The following YTHDC2 variants were observed in gnomAD, a reference collection of about 807,000 sequenced individuals.
YTHDC2 encodes 3'-5' RNA helicase YTHDC2.
A neutral mutation model predicts 174.9 loss-of-function variants in YTHDC2; 45 were observed. That is an observed-to-expected ratio of 0.26 (90% CI 0.20 to 0.33). The LOEUF (loss-of-function observed/expected upper bound fraction) is 0.33. Ranked by LOEUF, YTHDC2 falls within the 10% of genes least tolerant of loss-of-function variation. The pLI, the probability that YTHDC2 is intolerant of heterozygous loss-of-function variation, is 1.00. For missense variants in YTHDC2, 1,650 were observed against 1,723.7 expected, an observed-to-expected ratio of 0.96 and a Z score of 0.76; for synonymous variants, 657 against 574.5, an observed-to-expected ratio of 1.14 and a Z score of -2.05.
intron 4 of YTHDC2, among the ~76,000 whole-genome samples, chr5:113,527,542 ATTTTGC>A (rs761399408): frequency 3.9e-5 from 6 of 152,134 alleles, no homozygotes; most frequent in Non-Finnish European, 5.9e-5. Context: ...TAGGGACATA[ATTTTGC>A]TTTTGACAAT....
In YTHDC2 at chr5:113,541,216, G is replaced by T. The variant is rs566339638; in HGVS notation, c.1359+100G>T. On this transcript the variant is annotated intron_variant, in intron 9 of 29. Transcript: ENST00000161863. ...AATTTTTTTTTTTTTTTTTGAGATG[G>T]AGTCTGGCTCTGTGGCCCAGGCTGG... is the stretch of plus-strand genomic sequence containing the variant. The T allele has an allele frequency of 2.9e-4, 366 of 1,277,776 alleles. 3 individuals carry two copies. In the South Asian group the frequency reaches 4.6e-3, roughly 16 times the overall value. The allele number at this position is 1,277,776 out of a possible 1,614,324, so 79.2% of individuals were successfully genotyped here.
chr5:113,567,622 T>C, intron 22 of YTHDC2, 32 bp from the exon 23 acceptor site: 1 of 1,516,166 alleles, frequency 6.6e-7, no homozygotes, highest in Middle Eastern at 1.7e-4. Flanking sequence ...ATAAACACAA[T>C]TAACAATTTT....
In YTHDC2 at chr5:113,513,805, G is replaced by GT; in HGVS notation, c.-90dup. Reference sequence around the variant, plus strand: ...CACAGGCCGTCTCCGGAGCTTCCCGGTAGTGGCCCCGGATTCCCACGGTCT... The same window carrying GT: ...CACAGGCCGTCTCCGGAGCTTCCCGGTTAGTGGCCCCGGATTCCCACGGTCT... On this transcript the variant is annotated 5_prime_UTR_variant, in exon 1 of 30. Transcript: ENST00000161863. The GT allele has an allele frequency of 2.1e-6, 3 of 1,402,260 alleles. No homozygotes were observed. The allele number at this position is 1,402,260 out of a possible 1,614,324, so 86.9% of individuals were successfully genotyped here.
chr5:113,529,642 CTT>C (rs1227603654), intron 4 of YTHDC2, among the ~76,000 whole-genome samples: 2 of 151,860 alleles, frequency 1.3e-5, no homozygotes, highest in African/African-American at 4.8e-5. Context: ...TTATTTGCCT[CTT>C]ATCTGTTTAT....
In YTHDC2 at chr5:113,591,167, C is replaced by T. The variant is rs181938024; in HGVS notation, c.3952C>T (p.Arg1318Trp). Residue 1318 changes from arginine to tryptophan, a missense_variant, in exon 27 of 30, where the codon CGG becomes TGG. Arg to Trp is a moderately radical substitution (Grantham distance 101). Transcript: ENST00000161863. Reference sequence around the variant, plus strand: ...CTGGTCTACAACTCCTAGTAATGAACGGAAGCTAAATCGAGCCTTTTGGGA... The same window carrying T: ...CTGGTCTACAACTCCTAGTAATGAATGGAAGCTAAATCGAGCCTTTTGGGA... ...GIWSTTPSNE[R>W]KLNRAFWESS... 15 of 1,613,942 alleles carry T rather than the reference C, an allele frequency of 9.3e-6. No individual in the cohort carries two copies. Among genetic ancestry groups the T allele is most frequent in the African/African-American group, 2.7e-5 (2 of 75,012 alleles).
Position 113,563,546 on chromosome 5 carries a change from C to T in YTHDC2, c.2442+54C>T, listed in dbSNP as rs139016028. The T allele has an allele frequency of 3.0e-4, 458 of 1,524,546 alleles. 3 individuals are homozygous for T. The African/African-American group carries it at 5.7e-3, about 19-fold the overall frequency. The allele number at this position is 1,524,546 out of a possible 1,614,324, so 94.4% of individuals were successfully genotyped here. A position where few individuals can be genotyped will look rare whatever the true frequency, so the allele number is the denominator to read the frequency against. On this transcript the variant is annotated intron_variant, in intron 19 of 29. Coordinates refer to ENST00000161863, the MANE Select transcript of YTHDC2 (RefSeq NM_022828.5). ...TGACATTTTTACTTGAAATTTTAAA[C>T]TAAAAGGAAATATGTCTTAACTAAT...
intron 10 of YTHDC2, among the ~76,000 whole-genome samples, chr5:113,547,261 A>G (rs1388345085): frequency 6.6e-6 from 1 of 152,250 alleles, no homozygotes; most frequent in Non-Finnish European, 1.5e-5. Flanking sequence ...TACAATGAGT[A>G]CAGATCAGAA....
chr5:113,547,699 G>A (rs1422157934), intron 10 of YTHDC2, among the ~76,000 whole-genome samples: 2 of 152,128 alleles, frequency 1.3e-5, no homozygotes, highest in Admixed American at 6.5e-5. Context: ...CAATTTTCTT[G>A]TCTCTGCCTC....
chr5:113,520,938 A>G (rs1323901063), intron 2 of YTHDC2, among the ~76,000 whole-genome samples: 2 of 152,118 alleles, frequency 1.3e-5, no homozygotes, highest in East Asian at 1.9e-4. Context: ...GATAGACCCC[A>G]GTGCCTGTTG....
intron 12 of YTHDC2, among the ~76,000 whole-genome samples, chr5:113,552,809 C>A (rs1028605091): frequency 2.6e-5 from 4 of 152,060 alleles, no homozygotes; most frequent in Non-Finnish European, 5.9e-5. Flanking sequence ...TTCTCCACAC[C>A]CTCTCCAACA....
Position 113,594,354 on chromosome 5 carries a change from A to T in YTHDC2, c.*880A>T, listed in dbSNP as rs1277360272. On this transcript the variant is annotated 3_prime_UTR_variant, in exon 30 of 30. Transcript: ENST00000161863. ...ACAAGTTCAAAATTTAAACAAGTTC[A>T]TACAAGTTTTTAAAAATTCTCAACT... The T allele has an allele frequency of 6.6e-6, 1 of 152,286 alleles. No homozygotes were observed. Among genetic ancestry groups the T allele is most frequent in the Non-Finnish European group, 1.5e-5 (1 of 68,020 alleles). 9.4% of individuals were successfully genotyped at this position (152,286 alleles called of 1,614,324 possible).
rs746130337 is a variant in YTHDC2, at chr5:113,542,508, GTTTAT to G, written c.1495+10_1495+14del. On this transcript the variant is annotated splice_donor_region_variant and intron_variant, in intron 10 of 29. Transcript: ENST00000161863. ...TTTTAACTGAAAATGTTAGTGGTAA[GTTTAT>G]TTTAATTTTAAAAAATTACCCTTAC... The G allele has an allele frequency of 2.2e-5, 35 of 1,587,804 alleles. No individual in the cohort carries two copies. The highest frequency in any genetic ancestry group is 1.7e-4 in the Middle Eastern group (1 of 5,904).
At chr5:113,533,934 G>T (rs1464880715) in intron 5 of YTHDC2, among the ~76,000 whole-genome samples, 1 of 152,054 alleles carries the variant, frequency 6.6e-6, no homozygotes, top group Admixed American at 6.6e-5. Context: ...TTTGGATAAG[G>T]AATACTCAGT....
chr5:113,546,317 A>G (rs1258030619), intron 10 of YTHDC2, among the ~76,000 whole-genome samples: 1 of 152,216 alleles, frequency 6.6e-6, no homozygotes, highest in Non-Finnish European at 1.5e-5. Flanking sequence ...CATCCTGTGT[A>G]GACTCAGGTC....
At chr5:113,546,872 G>C (rs1249058359) in intron 10 of YTHDC2, among the ~76,000 whole-genome samples, 4 of 152,168 alleles carry the variant, frequency 2.6e-5, no homozygotes, top group African/African-American at 9.6e-5. Flanking sequence ...GCTGGCTGTT[G>C]GCAGAATAGC....
intron 23 of YTHDC2, among the ~76,000 whole-genome samples, chr5:113,579,001 G>A (rs980121393): frequency 6.6e-6 from 1 of 151,644 alleles, no homozygotes; most frequent in South Asian, 2.1e-4. Context: ...ACCTAATTTT[G>A]TAGATAGATT....
At position 113,591,155 on chromosome 5, in the gene YTHDC2, C is replaced by A. The variant is rs1381618293; in HGVS notation, c.3940C>A (p.Pro1314Thr). Residue 1314 changes from proline to threonine, a missense_variant, in exon 27 of 30, where the codon CCT becomes ACT. Transcript: ENST00000161863. Reference protein sequence around the residue: ...SQQKGIWSTTPSNERKLNRAF... With the variant: ...SQQKGIWSTTTSNERKLNRAF... ...ACAGAAGGGTATCTGGTCTACAACT[C>A]CTAGTAATGAACGGAAGCTAAATCG... is the stretch of plus-strand genomic sequence containing the variant. 6.2e-7 allele frequency: 1 copy of A among 1,613,850 alleles called. No individual in the cohort carries two copies. The highest frequency in any genetic ancestry group is 8.5e-7 in the Non-Finnish European group (1 of 1,179,910).
chr5:113,568,002 A>G (rs1394287512), intron 23 of YTHDC2, among the ~76,000 whole-genome samples, 153 bp downstream of exon 23: 3 of 152,140 alleles, frequency 2.0e-5, no homozygotes, highest in African/African-American at 7.2e-5. Context: ...AGGAAATACT[A>G]AGGTATACTA....
At chr5:113,519,371 G>T (rs1303460773) in intron 2 of YTHDC2, among the ~76,000 whole-genome samples, 2 of 152,094 alleles carry the variant, frequency 1.3e-5, no homozygotes, top group African/African-American at 4.8e-5. Context: ...GCTGAGGTCA[G>T]TGTGTTTTAG....
Sources: gnomAD v4.1 joint callset for allele counts (sites outside exome capture counted in the v4.1 genomes callset) on GRCh38, gnomAD v4.1.1 for gene constraint, MANE v1.5 for transcripts, NCBI Gene and HGNC (gene_info 2026-07-23, HGNC 2026-07-21) for gene names.